MYRIP: variants seen among roughly 807,000 people sequenced by gnomAD.
The protein encoded by MYRIP is myosin VIIA and Rab interacting protein, also known as rab effector MyRIP.
Under a neutral mutation model 98.0 loss-of-function variants are expected in MYRIP, and 49 were observed. That is an observed-to-expected ratio of 0.50 (90% CI 0.40 to 0.63). The LOEUF (loss-of-function observed/expected upper bound fraction) is 0.63, where lower values mean the gene tolerates loss of function less well. Ranked by LOEUF, MYRIP falls within the 30% of genes least tolerant of loss-of-function variation. The pLI is 0.00. For synonymous variants in MYRIP, 404 were observed against 409.5 expected (o/e 0.99, Z 0.16); for missense variants, 1,004 against 1,058.2 (o/e 0.95, Z 0.71).
intron 3 of MYRIP, among the ~76,000 whole-genome samples, chr3:40,090,682 A>G (rs1575530062): frequency 2.0e-5 from 3 of 152,224 alleles, no homozygotes; most frequent in Admixed American, 1.3e-4. Context: ...TTCTCTGTCC[A>G]GGGCTATTTC....
intron 2 of MYRIP, among the ~76,000 whole-genome samples, chr3:39,986,447 TCTCTCTCC>T (rs371725138): frequency 0.063 from 9,385 of 150,138 alleles, 593 homozygotes; most frequent in African/African-American, 0.16. Flanking sequence ...TCTCTCCCTC[TCTCTCTCC>T]CTCTCTCTCT....
At chr3:39,943,040 A>G (rs550758282) in intron 2 of MYRIP, among the ~76,000 whole-genome samples, 1 of 152,292 alleles carries the variant, frequency 6.6e-6, no homozygotes, top group South Asian at 2.1e-4. Context: ...AAGTGATCAC[A>G]TGAGCACACT....
At chr3:40,123,979 CTGCCTTG>C (rs1949464198) in intron 3 of MYRIP, among the ~76,000 whole-genome samples, 1 of 152,208 alleles carries the variant, frequency 6.6e-6, no homozygotes, top group Non-Finnish European at 1.5e-5. Context: ...CCCTGGAGAA[CTGCCTTG>C]TGCCCAGGGC....
intron 1 of MYRIP, among the ~76,000 whole-genome samples, chr3:39,896,580 T>A (rs1943616276): frequency 6.6e-6 from 1 of 152,216 alleles, no homozygotes; most frequent in Non-Finnish European, 1.5e-5. Flanking sequence ...TTGTAAGAAA[T>A]TTCTTTTCAG....
intron 2 of MYRIP, among the ~76,000 whole-genome samples, chr3:40,028,683 C>A (rs1415397537): frequency 6.6e-6 from 1 of 152,142 alleles, no homozygotes; most frequent in East Asian, 1.9e-4. Flanking sequence ...CACTCTTTCC[C>A]ATGTAGCTGA....
At chr3:40,045,968 T>C (rs911079670) in intron 3 of MYRIP, among the ~76,000 whole-genome samples, 4 of 151,680 alleles carry the variant, frequency 2.6e-5, no homozygotes, top group Admixed American at 6.6e-5. Flanking sequence ...ATAGAGAAAA[T>C]TGGAAAAAAT....
intron 3 of MYRIP, among the ~76,000 whole-genome samples, chr3:40,090,661 G>A (rs761023639): frequency 2.6e-5 from 4 of 152,152 alleles, no homozygotes; most frequent in Non-Finnish European, 4.4e-5. Flanking sequence ...CAAACCTCCT[G>A]GCTTATGCGT....
chr3:40,170,722 G>C (rs1950593677), intron 8 of MYRIP, among the ~76,000 whole-genome samples: 1 of 152,194 alleles, frequency 6.6e-6, no homozygotes, highest in Admixed American at 6.5e-5. Flanking sequence ...GCTGGGTGGG[G>C]CAGGTTCTGC....
intron 1 of MYRIP, among the ~76,000 whole-genome samples, chr3:39,850,618 G>A (rs1047861365): frequency 2.6e-5 from 4 of 152,146 alleles, no homozygotes; most frequent in African/African-American, 7.2e-5. Context: ...GAGAACAAAT[G>A]GAACAGTAAA....
At chr3:40,175,042 G>A (rs1950718438) in intron 8 of MYRIP, among the ~76,000 whole-genome samples, 1 of 152,150 alleles carries the variant, frequency 6.6e-6, no homozygotes, top group East Asian at 1.9e-4. Flanking sequence ...ACTGGAGGCT[G>A]AGGCAGGAGA....
chr3:40,113,391 C>T (rs914196338), intron 3 of MYRIP, among the ~76,000 whole-genome samples: 1 of 152,154 alleles, frequency 6.6e-6, no homozygotes. Context: ...GTGATCTTCC[C>T]GCCTCAGCCT....
chr3:40,122,446 T>C (rs993573262), intron 3 of MYRIP, among the ~76,000 whole-genome samples: 1 of 151,564 alleles, frequency 6.6e-6, no homozygotes, highest in Non-Finnish European at 1.5e-5. Flanking sequence ...TCATGCTTCT[T>C]GTAGAAAATA....
At chr3:40,245,203 CTA>C (rs1953151842) in intron 13 of MYRIP, among the ~76,000 whole-genome samples, 2 of 152,208 alleles carry the variant, frequency 1.3e-5, no homozygotes, top group South Asian at 4.1e-4. Flanking sequence ...GACATAGTCT[CTA>C]TAACTTTGTG....
intron 3 of MYRIP, among the ~76,000 whole-genome samples, chr3:40,062,371 G>T (rs531843499): frequency 5.9e-5 from 9 of 152,280 alleles, no homozygotes; most frequent in African/African-American, 2.2e-4. Flanking sequence ...CCCGTTGCTT[G>T]TTTTTGTCAG....
chr3:40,069,127 G>T (rs1426614113), intron 3 of MYRIP, among the ~76,000 whole-genome samples: 1 of 152,136 alleles, frequency 6.6e-6, no homozygotes, highest in Non-Finnish European at 1.5e-5. Context: ...CAAAAGGATT[G>T]TAGTCTCAGA....
At chr3:40,090,716 G>A (rs1948723154) in intron 3 of MYRIP, among the ~76,000 whole-genome samples, 1 of 152,166 alleles carries the variant, frequency 6.6e-6, no homozygotes, top group Admixed American at 6.5e-5. Flanking sequence ...GAAATAAAAG[G>A]GTAGTAAATG....
chr3:40,197,137 G>A (rs1051753106), intron 10 of MYRIP, among the ~76,000 whole-genome samples: 2 of 152,114 alleles, frequency 1.3e-5, no homozygotes, highest in African/African-American at 2.4e-5. Context: ...GGATGGTTTC[G>A]GGATGAAACT....
At chr3:40,076,903 C>A (rs1948355486) in intron 3 of MYRIP, among the ~76,000 whole-genome samples, 1 of 152,148 alleles carries the variant, frequency 6.6e-6, no homozygotes, top group Non-Finnish European at 1.5e-5. Flanking sequence ...AACTCTAATG[C>A]TATTTTTTAA....
intron 11 of MYRIP, among the ~76,000 whole-genome samples, chr3:40,212,213 T>TACACAC (rs1491586886): frequency 2.0e-5 from 1 of 49,546 alleles, no homozygotes; most frequent in Non-Finnish European, 5.2e-5. Context: ...TACGTGTGTG[T>TACACAC]ATATATATAT....
Sources: allele counts gnomAD v4.1 joint callset (sites outside exome capture counted in the v4.1 genomes callset), GRCh38; gene constraint gnomAD v4.1.1; transcripts MANE v1.5; gene names NCBI Gene and HGNC (gene_info 2026-07-23, HGNC 2026-07-21).